The following ALK variants were observed in gnomAD, a reference collection of about 807,000 sequenced individuals.
ALK encodes ALK receptor tyrosine kinase, also known as ALK tyrosine kinase receptor.
A neutral mutation model predicts 163.1 loss-of-function variants in ALK; 74 were observed. The observed-to-expected ratio is 0.45, with a 90% CI of 0.38 to 0.55. ALK has a LOEUF of 0.55. ALK is among the 20% of genes least tolerant of loss of function. The pLI, the probability that ALK is intolerant of heterozygous loss-of-function variation, is 0.00. For missense variants in ALK, 2,063 were observed against 2,105.3 expected (o/e 0.98, Z 0.39); for synonymous variants, 960 against 843.2 (o/e 1.14, Z -2.40).
intron 4 of ALK, among the ~76,000 whole-genome samples, chr2:29,516,344 C>T (rs6750887): frequency 0.55 from 84,034 of 152,144 alleles, 23,385 homozygotes; most frequent in East Asian, 0.57. Flanking sequence ...TGGTTCTGCT[C>T]TCAGTTTTCC....
chr2:29,892,895 A>AT (rs1279530241), intron 1 of ALK, among the ~76,000 whole-genome samples: 3 of 152,166 alleles, frequency 2.0e-5, no homozygotes, highest in Non-Finnish European at 4.4e-5. Flanking sequence ...CCACTAGTCC[A>AT]TTTTTTTAAA....
At chr2:29,878,886 A>G (rs1666788866) in intron 1 of ALK, among the ~76,000 whole-genome samples, 1 of 152,168 alleles carries the variant, frequency 6.6e-6, no homozygotes, top group Admixed American at 6.5e-5. Context: ...CAGAGTTGAG[A>G]AGGTGAGGCT....
intron 1 of ALK, among the ~76,000 whole-genome samples, chr2:29,722,413 G>A (rs935297074): frequency 1.3e-5 from 2 of 152,114 alleles, no homozygotes; most frequent in African/African-American, 4.8e-5. Context: ...TCAAAGAACC[G>A]ATTTTCAACT....
chr2:29,872,168 A>T (rs1220343546), intron 1 of ALK, among the ~76,000 whole-genome samples: 1 of 152,228 alleles, frequency 6.6e-6, no homozygotes, highest in African/African-American at 2.4e-5. Context: ...AATGACAGGG[A>T]GTTGACTGAA....
chr2:29,765,958 T>G (rs1448289119), intron 1 of ALK, among the ~76,000 whole-genome samples: 1 of 152,224 alleles, frequency 6.6e-6, no homozygotes, highest in Non-Finnish European at 1.5e-5. Flanking sequence ...CTGGCTGCAG[T>G]GCACCACTGT....
At position 29,885,766 on chromosome 2, in the gene ALK, A is replaced by C. The variant is rs1666970759; in HGVS notation, c.667+34227T>G. ...AATTGACAGTAGACAATCCAGAAAA[A>C]GGGTTCTAATTACTCAAAACTACTT... On this transcript the variant is annotated intron_variant, in intron 1 of 28. Transcript: ENST00000389048. Among the ~76,000 whole-genome samples the C allele has an allele frequency of 2.0e-5, 3 of 152,182 alleles. No homozygotes were observed. In the South Asian group the frequency reaches 6.2e-4, roughly 32 times the overall value.
At chr2:29,283,872 G>T (rs1024169243) in intron 9 of ALK, among the ~76,000 whole-genome samples, 4 of 152,260 alleles carry the variant, frequency 2.6e-5, no homozygotes, top group African/African-American at 9.6e-5. Context: ...TTTGAGCAGA[G>T]ATTATCTGCG....
intron 4 of ALK, among the ~76,000 whole-genome samples, chr2:29,414,098 G>A (rs1180129540): frequency 6.6e-6 from 1 of 152,194 alleles, no homozygotes; most frequent in Non-Finnish European, 1.5e-5. Context: ...TGTGTTATGA[G>A]GTTAGGATGG....
chr2:29,919,846 C>T, intron 1 of ALK, 147 bp downstream of exon 1: 2 of 1,013,806 alleles, frequency 2.0e-6, no homozygotes, highest in East Asian at 5.2e-5. Flanking sequence ...CGGTCTGATT[C>T]GGGAAGGAGG....
chr2:29,389,801 T>C (rs1669117948), intron 4 of ALK, among the ~76,000 whole-genome samples: 1 of 152,176 alleles, frequency 6.6e-6, no homozygotes, highest in Admixed American at 6.5e-5. Context: ...CTGGGGAACT[T>C]TGGCGGTTGC....
At chr2:29,733,548 T>C (rs1679805904) in intron 1 of ALK, among the ~76,000 whole-genome samples, 2 of 152,254 alleles carry the variant, frequency 1.3e-5, no homozygotes, top group Admixed American at 6.5e-5. Context: ...ATGGGAATAA[T>C]AGAAGCAATC....
At chr2:29,912,617 T>C (rs1558545845) in intron 1 of ALK, among the ~76,000 whole-genome samples, 1 of 152,068 alleles carries the variant, frequency 6.6e-6, no homozygotes. Flanking sequence ...AGAAATGGTA[T>C]ATATCTGGAT....
chr2:29,328,374 C>A lies in ALK; in HGVS notation c.1390G>T (p.Gly464Ter), dbSNP rs55706535. The A allele has an allele frequency of 1.2e-6, 2 of 1,614,210 alleles. No individual in the cohort carries two copies. The highest frequency in any genetic ancestry group is 1.7e-5 in the Admixed American group (1 of 60,032). Residue 464 changes from glycine to a stop codon, truncating the protein, a stop_gained, in exon 6 of 29, where the codon GGA becomes TGA. Transcript: ENST00000389048. LOFTEE classifies it high-confidence loss of function. ...ACDFHQDCAQ[G>*]EDESQMCRKL... ...CGGCACATCTGGCTCTCATCTTCTCCCTGGGCACAGTCCTGGTGGAAGTCA... is the reference window on the plus strand; with the variant it reads ...CGGCACATCTGGCTCTCATCTTCTCACTGGGCACAGTCCTGGTGGAAGTCA...
At chr2:29,465,693 C>CA (rs140797657) in intron 4 of ALK, among the ~76,000 whole-genome samples, 10,887 of 147,822 alleles carry the variant, frequency 0.074, 534 homozygotes, top group Non-Finnish European at 0.11. Context: ...GGCTTCATTT[C>CA]AAAAAAAAAC....
intron 3 of ALK, among the ~76,000 whole-genome samples, chr2:29,564,908 G>A (rs921462894): frequency 1.3e-5 from 2 of 152,212 alleles, no homozygotes; most frequent in Non-Finnish European, 2.9e-5. Flanking sequence ...CAGAGAGACT[G>A]GGAACCCAGG....
At chr2:29,800,462 T>C (rs1387655592) in intron 1 of ALK, among the ~76,000 whole-genome samples, 1 of 152,164 alleles carries the variant, frequency 6.6e-6, no homozygotes, top group Non-Finnish European at 1.5e-5. Context: ...GAAGAAGGTG[T>C]TGGGACTATG....
At chr2:29,815,765 T>C (rs552884155) in intron 1 of ALK, among the ~76,000 whole-genome samples, 31 of 152,316 alleles carry the variant, frequency 2.0e-4, no homozygotes, top group African/African-American at 7.5e-4. Context: ...TCCTCCAACT[T>C]CTGCTACCTG....
intron 2 of ALK, among the ~76,000 whole-genome samples, chr2:29,714,552 A>G (rs1486827604): frequency 5.3e-5 from 8 of 152,166 alleles, no homozygotes; most frequent in Admixed American, 3.9e-4. Context: ...AGTGGTCATC[A>G]GGACACCTGC....
chr2:29,742,750 T>C (rs1680095898), intron 1 of ALK, among the ~76,000 whole-genome samples: 1 of 152,126 alleles, frequency 6.6e-6, no homozygotes, highest in South Asian at 2.1e-4. Context: ...CAATCCAAAG[T>C]GGAACTACAA....
Sources: gnomAD v4.1 joint callset for allele counts (sites outside exome capture counted in the v4.1 genomes callset) on GRCh38, gnomAD v4.1.1 for gene constraint, MANE v1.5 for transcripts, NCBI Gene and HGNC (gene_info 2026-07-23, HGNC 2026-07-21) for gene names.